FOXP2: variants seen among roughly 807,000 people sequenced by gnomAD.
FOXP2 encodes the protein forkhead box protein P2.
In FOXP2, 12 loss-of-function variants were observed where a neutral mutation model predicts 115.8. The ratio of observed to expected loss-of-function variants is 0.10; its 90% CI spans 0.07 to 0.17. The LOEUF is 0.17. FOXP2 is among the 10% of genes least tolerant of loss of function. The pLI is 1.00. For missense variants in FOXP2, 629 were observed against 843.5 expected, an observed-to-expected ratio of 0.75 and a Z score of 3.15; for synonymous variants, 328 against 297.7, an observed-to-expected ratio of 1.10 and a Z score of -1.05.
At chr7:114,364,332 T>C (rs1791825682) in intron 2 of FOXP2, among the ~76,000 whole-genome samples, 1 of 152,122 alleles carries the variant, frequency 6.6e-6, no homozygotes, top group South Asian at 2.1e-4. Flanking sequence ...CTCTTTGTTA[T>C]GTGGCACAGG....
At chr7:114,570,032 A>G (rs773046014) in intron 3 of FOXP2, among the ~76,000 whole-genome samples, 5 of 151,894 alleles carry the variant, frequency 3.3e-5, no homozygotes, top group Admixed American at 1.3e-4. Flanking sequence ...CACATGGTCT[A>G]TTCAAATGCA....
At chr7:114,297,559 G>A (rs576967770) in intron 2 of FOXP2, 2 of 227,742 alleles carry the variant, frequency 8.8e-6, no homozygotes, top group South Asian at 8.2e-5. Context: ...CCCTGTCACA[G>A]TTAGGCATAA....
chr7:114,105,027 C>A (rs931841517), intron 1 of FOXP2, among the ~76,000 whole-genome samples: 2 of 151,816 alleles, frequency 1.3e-5, no homozygotes, highest in Admixed American at 1.3e-4. Flanking sequence ...TATTACTAAT[C>A]TAAAAGAAAT....
chr7:114,520,959 C>T (rs909447122), intron 2 of FOXP2, among the ~76,000 whole-genome samples: 2 of 151,988 alleles, frequency 1.3e-5, no homozygotes, highest in African/African-American at 2.4e-5. Context: ...TAAGGAAGTT[C>T]ATTGCAATAT....
intron 1 of FOXP2, among the ~76,000 whole-genome samples, chr7:114,231,298 C>A (rs559526146): frequency 6.6e-6 from 1 of 152,138 alleles, no homozygotes; most frequent in African/African-American, 2.4e-5. Context: ...CAACACCACC[C>A]AAAGCAATCT....
chr7:114,414,003 A>G (rs1278817241), upstream of FOXP2, among the ~76,000 whole-genome samples: 2 of 152,160 alleles, frequency 1.3e-5, no homozygotes, highest in African/African-American at 2.4e-5. Context: ...AAACTAAGAC[A>G]GTGTCGTTCC....
intron 2 of FOXP2, among the ~76,000 whole-genome samples, chr7:114,397,853 G>A (rs1792781500): frequency 6.6e-6 from 1 of 152,190 alleles, no homozygotes; most frequent in South Asian, 2.1e-4. Flanking sequence ...ACCAGAGATG[G>A]TGCTTTAAAC....
At chr7:114,120,097 G>T (rs942348976) in intron 1 of FOXP2, among the ~76,000 whole-genome samples, 1 of 152,252 alleles carries the variant, frequency 6.6e-6, no homozygotes, top group Non-Finnish European at 1.5e-5. Context: ...GTAATAGATA[G>T]GATGAGATAA....
intron 2 of FOXP2, among the ~76,000 whole-genome samples, chr7:114,500,491 A>G (rs1797521393): frequency 6.6e-6 from 1 of 152,058 alleles, no homozygotes; most frequent in Non-Finnish European, 1.5e-5. Context: ...TTCCTTTTAG[A>G]TTATGTATTC....
intron 1 of FOXP2, among the ~76,000 whole-genome samples, chr7:114,175,705 G>A (rs1435086903): frequency 6.6e-6 from 1 of 152,066 alleles, no homozygotes; most frequent in Non-Finnish European, 1.5e-5. Context: ...CTCAGATAAT[G>A]GTAGCTATAA....
intron 1 of FOXP2, among the ~76,000 whole-genome samples, chr7:114,143,321 T>C (rs1195140221): frequency 6.6e-6 from 1 of 152,062 alleles, no homozygotes; most frequent in Non-Finnish European, 1.5e-5. Flanking sequence ...ATCACAGTCA[T>C]GTTATAAAGC....
intron 2 of FOXP2, among the ~76,000 whole-genome samples, chr7:114,459,288 G>A (rs778175370): frequency 2.0e-5 from 3 of 152,178 alleles, no homozygotes; most frequent in Admixed American, 6.5e-5. Flanking sequence ...GGGAAGAGCC[G>A]TAGGAACTAC....
At chr7:114,471,127 T>TA (rs1796027074) in intron 2 of FOXP2, among the ~76,000 whole-genome samples, 1 of 152,222 alleles carries the variant, frequency 6.6e-6, no homozygotes, top group African/African-American at 2.4e-5. Context: ...TTAAGTATGT[T>TA]AAAGGGAGGG....
At chr7:114,574,738 TA>T (rs1801490126) in intron 3 of FOXP2, among the ~76,000 whole-genome samples, 1 of 151,942 alleles carries the variant, frequency 6.6e-6, no homozygotes, top group Admixed American at 6.6e-5. Context: ...CAGTTAGTTC[TA>T]ACTGCGAAGG....
intron 2 of FOXP2, among the ~76,000 whole-genome samples, chr7:114,457,262 A>G (rs1584758650): frequency 6.6e-6 from 1 of 152,296 alleles, no homozygotes; most frequent in African/African-American, 2.4e-5. Flanking sequence ...TCAAAACCAT[A>G]TTGTTCATCT....
chr7:114,138,194 C>T (rs1007695354), intron 1 of FOXP2, among the ~76,000 whole-genome samples: 1 of 152,160 alleles, frequency 6.6e-6, no homozygotes, highest in South Asian at 2.1e-4. Flanking sequence ...TAACTCCCTA[C>T]TCCTTCAGTG....
intron 3 of FOXP2, among the ~76,000 whole-genome samples, chr7:114,595,769 G>T (rs548445394): frequency 6.6e-6 from 1 of 151,914 alleles, no homozygotes; most frequent in Non-Finnish European, 1.5e-5. Flanking sequence ...ATGATAGAGC[G>T]TAATCAATGA....
chr7:114,254,649 C>T (rs896587408), intron 1 of FOXP2, among the ~76,000 whole-genome samples: 4 of 152,042 alleles, frequency 2.6e-5, no homozygotes, highest in African/African-American at 9.7e-5. Context: ...TCCATCAGTT[C>T]ATTTAAGGAC....
At chr7:114,363,421 T>C (rs1386187888) in intron 2 of FOXP2, among the ~76,000 whole-genome samples, 2 of 152,114 alleles carry the variant, frequency 1.3e-5, no homozygotes, top group Non-Finnish European at 2.9e-5. Context: ...TAATGTTATG[T>C]GGGAAAAAGT....
Sources: gnomAD v4.1 joint callset for allele counts (sites outside exome capture counted in the v4.1 genomes callset) on GRCh38, gnomAD v4.1.1 for gene constraint, MANE v1.5 for transcripts, NCBI Gene and HGNC (gene_info 2026-07-23, HGNC 2026-07-21) for gene names.